The following MALAT1 variants were observed in gnomAD, a reference collection of about 807,000 sequenced individuals.
The protein encoded by MALAT1 is metastasis associated lung adenocarcinoma transcript 1, also known as hepcarcin.
exon 1 of MALAT1, chr11:65,497,851 T>C: frequency 1.9e-6 from 1 of 516,704 alleles, no homozygotes; most frequent in South Asian, 1.4e-5. Context: ...CCGGGAAGCC[T>C]CAGCTCGCCT....
exon 3 of MALAT1, chr11:65,503,525 C>T (rs531964613): frequency 5.8e-5 from 30 of 518,586 alleles, no homozygotes; most frequent in African/African-American, 4.0e-4. Flanking sequence ...GCATGATGTG[C>T]TGTTAGAATC....
At chr11:65,501,572 T>G (rs1320042300) in exon 3 of MALAT1, 1 of 518,634 alleles carries the variant, frequency 1.9e-6, no homozygotes, top group African/African-American at 1.9e-5. Context: ...AGAAAATGTT[T>G]TTTTCTAAGA....
exon 3 of MALAT1, chr11:65,499,068 G>T (rs558375568): frequency 1.9e-6 from 1 of 518,082 alleles, no homozygotes; most frequent in East Asian, 5.4e-5. Flanking sequence ...GCCAGCGCAG[G>T]GGCTTCTGCT....
exon 3 of MALAT1, chr11:65,500,843 TGGG>T (rs772360578): frequency 6.4e-5 from 33 of 518,774 alleles, no homozygotes; most frequent in African/African-American, 1.2e-4. Context: ...TCTAATATAA[TGGG>T]GGAGTTTCGT....
At chr11:65,498,449 A>C in intron 1 of MALAT1, 1 of 518,550 alleles carries the variant, frequency 1.9e-6, no homozygotes, top group Non-Finnish European at 3.8e-6. Context: ...GTTTTCCAAG[A>C]GTGGGTTTTC....
chr11:65,498,396 CGGGGCTCA>C, intron 1 of MALAT1: 1 of 518,490 alleles, frequency 1.9e-6, no homozygotes, highest in Non-Finnish European at 3.8e-6. Context: ...CAACGGCCCC[CGGGGCTCA>C]GGCGGGGAGC....
At chr11:65,498,001 A>C (rs573131381) in intron 1 of MALAT1, 1 of 518,616 alleles carries the variant, frequency 1.9e-6, no homozygotes, top group Non-Finnish European at 3.8e-6. Context: ...AACCACTCAA[A>C]CTCTGCAGTT....
exon 3 of MALAT1, chr11:65,499,446 TAGTTTAAA>T: frequency 2.1e-6 from 1 of 473,210 alleles, no homozygotes. Flanking sequence ...GCTTAAAGTT[TAGTTTAAA>T]AGTTGTAGGT....
At chr11:65,498,188 CTG>C (rs746239480) in intron 1 of MALAT1, 10 of 518,960 alleles carry the variant, frequency 1.9e-5, no homozygotes, top group East Asian at 1.1e-4. Flanking sequence ...CCCAAGGTCT[CTG>C]TGTCTTCGGA....
exon 3 of MALAT1, chr11:65,501,486 C>CTTA (rs763034074): frequency 4.6e-5 from 24 of 516,602 alleles, no homozygotes. Context: ...TTTAAAAGTG[C>CTTA]TTAACCCCTT....
chr11:65,497,987 A>C (rs757491213), intron 1 of MALAT1: 1 of 518,944 alleles, frequency 1.9e-6, no homozygotes, highest in Non-Finnish European at 3.8e-6. Flanking sequence ...TGGTATTTAG[A>C]TAAAACCACT....
At chr11:65,503,918 G>A (rs777828246) in intron 3 of MALAT1, 1 of 517,286 alleles carries the variant, frequency 1.9e-6, no homozygotes, top group Non-Finnish European at 3.9e-6. Context: ...GGGAGATTAT[G>A]ATCAGAGTAA....
At chr11:65,505,896 T>TGGCTGAGAGG (rs746067087) in intron 3 of MALAT1, 1 of 436,830 alleles carries the variant, frequency 2.3e-6, no homozygotes, top group African/African-American at 2.0e-5. Flanking sequence ...GGCATTTGAG[T>TGGCTGAGAGG]GGCTGAGAGG....
chr11:65,504,148 C>CA (rs1565055612), intron 3 of MALAT1: 1 of 516,750 alleles, frequency 1.9e-6, no homozygotes. Context: ...TTTCATCCTT[C>CA]ATGAAGCCAT....
chr11:65,504,432 A>G (rs1279289363), intron 3 of MALAT1: 3 of 518,752 alleles, frequency 5.8e-6, no homozygotes, highest in Non-Finnish European at 1.2e-5. Flanking sequence ...TTGTGAAACG[A>G]CTGGAGTATG....
exon 3 of MALAT1, chr11:65,501,018 T>C (rs747606554): frequency 7.9e-6 from 4 of 508,286 alleles, no homozygotes; most frequent in Admixed American, 2.0e-5. Flanking sequence ...GTTTTTTTTT[T>C]TTACACGAAT....
chr11:65,498,751 G>A (rs773155443), intron 2 of MALAT1: 1 of 518,762 alleles, frequency 1.9e-6, no homozygotes, highest in Non-Finnish European at 3.8e-6. Flanking sequence ...TAAAAGTTCC[G>A]GGGGTTTTGT....
At chr11:65,505,872 G>T (rs749390837) in intron 3 of MALAT1, 1 of 450,014 alleles carries the variant, frequency 2.2e-6, no homozygotes, top group South Asian at 1.7e-5. Context: ...GTAACTTGTA[G>T]ACTGGAGAAG....
At chr11:65,499,265 T>C (rs534838156) in exon 3 of MALAT1, 1 of 513,798 alleles carries the variant, frequency 1.9e-6, no homozygotes, top group Admixed American at 2.0e-5. Context: ...AAGAGTAGCA[T>C]GAGGAAGGAA....
Sources: allele counts gnomAD v4.1 joint callset, GRCh38; gene constraint gnomAD v4.1.1; transcripts MANE v1.5; gene names NCBI Gene and HGNC (gene_info 2026-07-23, HGNC 2026-07-21).